COL9A1: variants seen among roughly 807,000 people sequenced by gnomAD.
The protein encoded by COL9A1 is collagen alpha-1(IX) chain.
Under a neutral mutation model 142.6 loss-of-function variants are expected in COL9A1, and 104 were observed. The observed-to-expected ratio is 0.73, with a 90% CI of 0.62 to 0.86. The LOEUF (loss-of-function observed/expected upper bound fraction) is 0.86. Among genes scored for constraint, COL9A1 ranks in the 40% least tolerant of loss-of-function variants. The pLI is 0.00. For missense variants in COL9A1, 1,210 were observed against 1,176.6 expected, an observed-to-expected ratio of 1.03 and a Z score of -0.42; for synonymous variants, 466 against 396.0, an observed-to-expected ratio of 1.18 and a Z score of -2.10.
intron 37 of COL9A1, among the ~76,000 whole-genome samples, chr6:70,224,680 C>G (rs1769115770): frequency 6.6e-6 from 1 of 152,124 alleles, no homozygotes. Flanking sequence ...AATTCTATTT[C>G]CTTTTCCTCT....
chr6:70,278,811 C>T (rs1772928567), intron 10 of COL9A1, among the ~76,000 whole-genome samples: 1 of 152,196 alleles, frequency 6.6e-6, no homozygotes, highest in Admixed American at 6.5e-5. Flanking sequence ...AAAGCACTTT[C>T]ATTTGTTTAT....
chr6:70,255,102 T>C, intron 23 of COL9A1, 48 bp downstream of exon 23: 2 of 1,610,034 alleles, frequency 1.2e-6, no homozygotes, highest in Non-Finnish European at 1.7e-6. Context: ...TCATTGCAAG[T>C]CAATGATCAC....
Position 70,234,842 on chromosome 6 carries a change from C to T in COL9A1, c.2211G>A (p.Val737=), listed in dbSNP as rs1482697970. The change falls in exon 34 of 38, where the codon GTG becomes GTA. Residue 737 remains valine (V), a synonymous_variant. Transcript: ENST00000357250. The part of the protein sequence containing the change: ...GPRGPPGPRG[V]QGEQGATGLP... ...GGCCGGTGGCACCCTGTTCTCCCTG[C>T]ACACCCCGGGGTCCAGGTGGTCCTC... 1.9e-6 allele frequency: 3 copies of T among 1,613,942 alleles called. No individual in the cohort carries two copies. Among genetic ancestry groups the T allele is most frequent in the Non-Finnish European group, 1.7e-6 (2 of 1,180,002 alleles).
intron 10 of COL9A1, chr6:70,279,419 T>G (rs1297627134): frequency 6.6e-6 from 1 of 152,192 alleles, no homozygotes; most frequent in Non-Finnish European, 1.5e-5. Context: ...AACTAGGGGC[T>G]TTGAAATGTA....
intron 5 of COL9A1, among the ~76,000 whole-genome samples, chr6:70,284,700 C>T (rs530122481): frequency 2.6e-5 from 4 of 152,268 alleles, no homozygotes; most frequent in Admixed American, 6.5e-5. Context: ...AGCCACAAAC[C>T]ATGCTGGTAT....
At chr6:70,219,753 C>T (rs952709954) in intron 37 of COL9A1, among the ~76,000 whole-genome samples, 16 of 152,204 alleles carry the variant, frequency 1.1e-4, no homozygotes, top group Admixed American at 9.2e-4. Flanking sequence ...TGATAATTTT[C>T]AAGAGAGGCC....
chr6:70,216,259 G>A lies in COL9A1; in HGVS notation c.*638C>T, dbSNP rs1005195803. ...TATTTCTTTGCTTTCACATAGAAGC[G>A]CTCAAAATATTAACAGGTTTGGGGT... On this transcript the variant is annotated 3_prime_UTR_variant, in exon 38 of 38. Coordinates refer to ENST00000357250, the MANE Select transcript of COL9A1 (RefSeq NM_001851.6). The A allele has an allele frequency of 8.5e-5, 13 of 152,638 alleles. No homozygotes were observed. Among genetic ancestry groups the A allele is most frequent in the African/African-American group, 1.4e-4 (6 of 41,434 alleles). The allele number at this position is 152,638 out of a possible 1,614,324, so 9.5% of individuals were successfully genotyped here.
At chr6:70,270,393 A>G in intron 14 of COL9A1, 26 bp from the exon 15 acceptor site, 1 of 1,609,330 alleles carries the variant, frequency 6.2e-7, no homozygotes, top group Non-Finnish European at 8.5e-7. Context: ...ATTGCGACAC[A>G]GTGGTTATAC....
intron 32 of COL9A1, among the ~76,000 whole-genome samples, chr6:70,239,800 A>G (rs769136760): frequency 6.6e-6 from 1 of 152,212 alleles, no homozygotes; most frequent in African/African-American, 2.4e-5. Flanking sequence ...TCATGTTGGC[A>G]TATCAGCTTA....
Position 70,281,004 on chromosome 6 carries a change from C to CG in COL9A1, c.911dup (p.Pro306SerfsTer4). 6.2e-7 allele frequency: 1 copy of CG among 1,612,956 alleles called. No individual in the cohort carries two copies. Among genetic ancestry groups the CG allele is most frequent in the Non-Finnish European group, 8.5e-7 (1 of 1,179,584 alleles). ...GCGCCATATGCTCCAATCAACTTAC[C>CG]GGGGGGCCCGGGGGGCCCTTAGGAC... On this transcript the variant is annotated frameshift_variant and splice_region_variant, in exon 9 of 38. Coordinates refer to ENST00000357250, the MANE Select transcript of COL9A1 (RefSeq NM_001851.6). LOFTEE classifies it high-confidence loss of function.
At chr6:70,293,613 C>T (rs1773730645) in intron 5 of COL9A1, among the ~76,000 whole-genome samples, 2 of 146,192 alleles carry the variant, frequency 1.4e-5, no homozygotes, top group South Asian at 2.2e-4. Flanking sequence ...ATGTCTCACC[C>T]TCCTCTCTCT....
At chr6:70,290,342 G>C (rs1773611143) in intron 5 of COL9A1, among the ~76,000 whole-genome samples, 1 of 152,024 alleles carries the variant, frequency 6.6e-6, no homozygotes, top group Non-Finnish European at 1.5e-5. Flanking sequence ...GGGATAAATG[G>C]CACCATCCTA....
chr6:70,272,896 A>C (rs1772500988), intron 12 of COL9A1, among the ~76,000 whole-genome samples: 1 of 152,000 alleles, frequency 6.6e-6, no homozygotes, highest in South Asian at 2.1e-4. Context: ...TCTCTCTTTA[A>C]TTTCCAAGTT....
Position 70,302,127 on chromosome 6 carries a change from A to G in COL9A1, c.15-53T>C, listed in dbSNP as rs112025673. ...AAACAGGAGTCCCCGCAGATGGAAA[A>G]CACTTCCATATTTTCAAACCTAGTA... is the stretch of plus-strand genomic sequence containing the variant. On this transcript the variant is annotated intron_variant, in intron 1 of 37. Transcript: ENST00000357250. 9,887 of 1,215,650 alleles carry G rather than the reference A, an allele frequency of 8.1e-3. 58 individuals are homozygous for G. Among genetic ancestry groups the G allele is most frequent in the Non-Finnish European group, 1.0e-2 (8,271 of 831,102 alleles). The allele number at this position is 1,215,650 out of a possible 1,614,324, so 75.3% of individuals were successfully genotyped here.
intron 10 of COL9A1, chr6:70,274,993 T>C (rs1404907311): frequency 1.8e-6 from 1 of 552,074 alleles, no homozygotes; most frequent in African/African-American, 1.9e-5. Flanking sequence ...TGTATCATAC[T>C]CCTAACTTCC....
At chr6:70,283,626 G>A in intron 6 of COL9A1, 111 bp downstream of exon 6, 1 of 801,416 alleles carries the variant, frequency 1.2e-6, no homozygotes, top group Admixed American at 2.0e-5. Context: ...CTCTCTTAGC[G>A]AAAGAGAGTG....
intron 24 of COL9A1, 50 bp from the exon 25 acceptor site, chr6:70,254,579 T>C: frequency 1.3e-6 from 2 of 1,572,652 alleles, no homozygotes; most frequent in Non-Finnish European, 1.8e-6. Context: ...AGCTGCTGTA[T>C]TTCTTTTAAG....
At chr6:70,256,662 C>A in intron 21 of COL9A1, 106 bp downstream of exon 21, 1 of 848,476 alleles carries the variant, frequency 1.2e-6, no homozygotes. Flanking sequence ...AAATTGTCCA[C>A]TTTTCCACTT....
chr6:70,266,661 A>C, intron 18 of COL9A1, 56 bp downstream of exon 18: 1 of 1,315,268 alleles, frequency 7.6e-7, no homozygotes, highest in Admixed American at 1.7e-5. Flanking sequence ...TCTTATAATG[A>C]AAGTGACCAA....
Sources: allele counts gnomAD v4.1 joint callset (sites outside exome capture counted in the v4.1 genomes callset), GRCh38; gene constraint gnomAD v4.1.1; transcripts MANE v1.5; gene names NCBI Gene and HGNC (gene_info 2026-07-23, HGNC 2026-07-21).